Variants in RANBP17 observed in about 807,000 individuals in gnomAD.
RANBP17 encodes ran-binding protein 17.
A neutral mutation model predicts 141.2 loss-of-function variants in RANBP17; 158 were observed. That is an observed-to-expected ratio of 1.12 (90% CI 0.98 to 1.28). RANBP17 has a LOEUF of 1.28. Ranked by LOEUF, RANBP17 falls within the 50% of genes most tolerant of loss-of-function variation. RANBP17 has a pLI of 0.00. For missense variants in RANBP17, 1,438 were observed against 1,290.7 expected (o/e 1.11, Z -1.75); for synonymous variants, 430 against 450.0 (o/e 0.96, Z 0.56).
chr5:171,218,695 T>A (rs1186501238), intron 21 of RANBP17, among the ~76,000 whole-genome samples: 1 of 152,124 alleles, frequency 6.6e-6, no homozygotes, highest in African/African-American at 2.4e-5. Context: ...GGGTTTAAAG[T>A]CTGTTTTATC....
intron 14 of RANBP17, among the ~76,000 whole-genome samples, chr5:170,991,570 C>T (rs770275678): frequency 1.3e-5 from 2 of 151,824 alleles, no homozygotes; most frequent in Non-Finnish European, 2.9e-5. Flanking sequence ...AATAAAGATG[C>T]GGGAAGCAGC....
At chr5:171,146,812 T>C (rs887417053) in intron 14 of RANBP17, among the ~76,000 whole-genome samples, 1 of 152,154 alleles carries the variant, frequency 6.6e-6, no homozygotes, top group East Asian at 1.9e-4. Flanking sequence ...GGCTAAGAAG[T>C]CTACTTTTTA....
rs772629875 is a variant in RANBP17, at chr5:171,265,669, C to T, written c.2777-12C>T. 7 of 1,595,902 alleles carry T rather than the reference C, an allele frequency of 4.4e-6. No individual in the cohort carries two copies. The highest frequency in any genetic ancestry group is 6.0e-6 in the Non-Finnish European group (7 of 1,173,844). On this transcript the variant is annotated splice_polypyrimidine_tract_variant and intron_variant, in intron 24 of 27. Coordinates refer to ENST00000523189, the MANE Select transcript of RANBP17 (RefSeq NM_022897.5). ...AGTAATGCAAATGAATTCTTATTTA[C>T]TATTTGTACAGATACAGTTGTCTCC...
At chr5:171,158,785 T>G (rs935007847) in intron 14 of RANBP17, among the ~76,000 whole-genome samples, 6 of 152,182 alleles carry the variant, frequency 3.9e-5, no homozygotes, top group Admixed American at 3.9e-4. Context: ...TTTTATCTGG[T>G]CATTTGCATT....
intron 12 of RANBP17, among the ~76,000 whole-genome samples, chr5:170,947,227 G>C (rs1247560622): frequency 6.6e-6 from 1 of 152,018 alleles, no homozygotes; most frequent in Non-Finnish European, 1.5e-5. Flanking sequence ...AATTGGTAAT[G>C]TTAACCTTTC....
chr5:171,234,381 T>G (rs1409998065), intron 22 of RANBP17, among the ~76,000 whole-genome samples: 1 of 152,136 alleles, frequency 6.6e-6, no homozygotes, highest in Non-Finnish European at 1.5e-5. Flanking sequence ...ACTTTGACTT[T>G]AACTCTAAAT....
intron 13 of RANBP17, among the ~76,000 whole-genome samples, chr5:170,958,437 G>A (rs1343234392): frequency 6.9e-6 from 1 of 144,382 alleles, no homozygotes; most frequent in Non-Finnish European, 1.5e-5. Context: ...AGTGTGGTTG[G>A]TGGGTGTGCA....
intron 18 of RANBP17, among the ~76,000 whole-genome samples, chr5:171,186,999 T>C (rs1761302698): frequency 6.6e-6 from 1 of 152,214 alleles, no homozygotes; most frequent in Non-Finnish European, 1.5e-5. Context: ...TTGACATGTC[T>C]TTCTCACTAA....
intron 12 of RANBP17, among the ~76,000 whole-genome samples, chr5:170,931,183 A>G (rs1451384988): frequency 3.9e-5 from 6 of 152,058 alleles, no homozygotes; most frequent in Non-Finnish European, 4.4e-5. Context: ...ATTTTTTCAT[A>G]TGTCTGTTGG....
intron 14 of RANBP17, among the ~76,000 whole-genome samples, chr5:171,084,117 CGA>C (rs1396456982): frequency 1.1e-3 from 142 of 129,234 alleles, no homozygotes; most frequent in African/African-American, 3.9e-3. Flanking sequence ...CCCCCTCCCC[CGA>C]CCCCACCACA....
chr5:171,086,161 T>G (rs1242013189), intron 14 of RANBP17, among the ~76,000 whole-genome samples: 103 of 139,318 alleles, frequency 7.4e-4, no homozygotes, highest in African/African-American at 2.7e-3. Context: ...TTATTGAGAG[T>G]TTTTAGCATG....
chr5:171,198,693 C>T (rs1581844646), intron 18 of RANBP17, among the ~76,000 whole-genome samples: 1 of 152,276 alleles, frequency 6.6e-6, no homozygotes, highest in East Asian at 1.9e-4. Flanking sequence ...AAGGACCAAA[C>T]TTTGAGGACC....
chr5:171,162,941 T>C (rs1759451960), intron 14 of RANBP17, among the ~76,000 whole-genome samples: 1 of 152,196 alleles, frequency 6.6e-6, no homozygotes, highest in African/African-American at 2.4e-5. Context: ...TCTTAAGAGA[T>C]TTGTTAGGTA....
At chr5:171,070,143 T>C (rs145160289) in intron 14 of RANBP17, among the ~76,000 whole-genome samples, 1 of 152,312 alleles carries the variant, frequency 6.6e-6, no homozygotes, top group African/African-American at 2.4e-5. Flanking sequence ...GCAAGTTCTA[T>C]TAATTAGCCC....
At chr5:171,062,189 T>G (rs1449403440) in intron 14 of RANBP17, among the ~76,000 whole-genome samples, 2 of 152,096 alleles carry the variant, frequency 1.3e-5, no homozygotes, top group Non-Finnish European at 2.9e-5. Context: ...TGTGTGAATT[T>G]GATCCTGTCA....
chr5:171,265,890 C>T, intron 25 of RANBP17, 43 bp downstream of exon 25: 1 of 1,586,314 alleles, frequency 6.3e-7, no homozygotes, highest in Non-Finnish European at 8.6e-7. Context: ...CAAGTGTTCC[C>T]AGAAGCCATA....
chr5:171,268,437 T>G (rs1766877728), intron 25 of RANBP17, among the ~76,000 whole-genome samples: 1 of 152,190 alleles, frequency 6.6e-6, no homozygotes, highest in Admixed American at 6.5e-5. Flanking sequence ...GCGCAAGTTC[T>G]TACTACTCAC....
intron 3 of RANBP17, among the ~76,000 whole-genome samples, chr5:170,885,921 G>A (rs1431834738): frequency 1.7e-4 from 25 of 148,056 alleles, no homozygotes; most frequent in Admixed American, 1.7e-3. Flanking sequence ...TCCTTGACTG[G>A]CTCTGCTGTT....
intron 12 of RANBP17, among the ~76,000 whole-genome samples, chr5:170,935,528 C>T (rs896463353): frequency 7.2e-5 from 11 of 152,292 alleles, no homozygotes; most frequent in Admixed American, 1.3e-4. Context: ...TTCCTTCTAA[C>T]AGTCAGGACC....
Sources: gnomAD v4.1 joint callset for allele counts (sites outside exome capture counted in the v4.1 genomes callset) on GRCh38, gnomAD v4.1.1 for gene constraint, MANE v1.5 for transcripts, NCBI Gene and HGNC (gene_info 2026-07-23, HGNC 2026-07-21) for gene names.